IL5RA: variants seen among roughly 807,000 people sequenced by gnomAD.
IL5RA encodes interleukin 5 receptor subunit alpha.
A neutral mutation model predicts 50.0 loss-of-function variants in IL5RA; 49 were observed. The observed-to-expected ratio is 0.98, with a 90% CI of 0.78 to 1.24. The LOEUF (loss-of-function observed/expected upper bound fraction) is 1.24, where lower values mean the gene tolerates loss of function less well. IL5RA is among the 50% of genes most tolerant of loss of function. IL5RA has a pLI of 0.00. For missense variants in IL5RA, 600 were observed against 500.4 expected (o/e 1.20, Z -1.90); for synonymous variants, 202 against 174.0 (o/e 1.16, Z -1.26).
At position 3,087,055 on chromosome 3, in the gene IL5RA, G is replaced by A. The variant is rs2125965836; in HGVS notation, c.994+5169C>T. On this transcript the variant is annotated intron_variant, in intron 9 of 11. Coordinates refer to ENST00000446632, the MANE Select transcript of IL5RA (RefSeq NM_175726.4). ...ACAGAGTGGTATAATGAACATTGAA[G>A]ACGCAGAAGGGGAGAGGGTGGGAGG... 1.3e-5 allele frequency among the ~76,000 whole-genome samples: 2 copies of A among 152,240 alleles called. 1 individual carries two copies. The highest frequency in any genetic ancestry group is 6.8e-3 in the Middle Eastern group (2 of 294).
rs1378752587 is a variant in IL5RA at position 3,097,942 on chromosome 3, C to G, written c.637G>C (p.Val213Leu). Residue 213 changes from valine to leucine, a missense_variant, in exon 7 of 12, where the codon GTG becomes CTG. By Grantham distance (32) the Val-to-Leu change is conservative. Coordinates refer to ENST00000446632, the MANE Select transcript of IL5RA (RefSeq NM_175726.4). ...ILSKGRDWLA[V>L]LVNGSSKHSA... ...TGCTTGCTGGAGCCGTTAACAAGCA[C>G]CGCAAGCCAGTCACGCCCTTTGCTG... 6 of 1,614,060 alleles carry G rather than the reference C, an allele frequency of 3.7e-6. No homozygotes were observed. Among genetic ancestry groups the G allele is most frequent in the South Asian group, 1.1e-5 (1 of 91,084 alleles).
chr3:3,093,462 C>A (rs1376562735), intron 8 of IL5RA, among the ~76,000 whole-genome samples: 2 of 152,142 alleles, frequency 1.3e-5, no homozygotes, highest in Non-Finnish European at 2.9e-5. Context: ...ATGTCTTTGG[C>A]TATATTTAAT....
At chr3:3,104,332 T>C (rs1703802260) in intron 3 of IL5RA, among the ~76,000 whole-genome samples, 1 of 152,168 alleles carries the variant, frequency 6.6e-6, no homozygotes, top group Non-Finnish European at 1.5e-5. Flanking sequence ...AGCCACTGCA[T>C]ACGGCCTAAA....
chr3:3,096,685 T>C (rs1033743826), intron 7 of IL5RA, among the ~76,000 whole-genome samples: 1 of 152,240 alleles, frequency 6.6e-6, no homozygotes, highest in African/African-American at 2.4e-5. Context: ...GCATCTTTTA[T>C]TGCCTATTTT....
chr3:3,077,251 G>A (rs893864113), intron 9 of IL5RA, among the ~76,000 whole-genome samples: 10 of 152,168 alleles, frequency 6.6e-5, no homozygotes, highest in African/African-American at 2.4e-4. Flanking sequence ...CTTATTCTCT[G>A]TTTAAATTTG....
rs17886261 is a variant in IL5RA at position 3,097,372 on chromosome 3, A to G, written c.709+498T>C. ...GTGAACAGCTAAGAGAGGCTATTCT[A>G]TAGGGAAGGGACTCAAATCACCTGG... On this transcript the variant is annotated intron_variant, in intron 7 of 11. Transcript: ENST00000446632. 8.1e-3 allele frequency among the ~76,000 whole-genome samples: 1,229 copies of G among 152,110 alleles called. 19 individuals are homozygous for G. The highest frequency in any genetic ancestry group is 0.029 in the African/African-American group (1,181 of 41,370).
Position 3,070,234 on chromosome 3 carries a change from A to C in IL5RA, c.1254T>G (p.Ser418=), listed in dbSNP as rs1702252217. 6.2e-7 allele frequency: 1 copy of C among 1,610,208 alleles called. No individual in the cohort carries two copies. The highest frequency in any genetic ancestry group is 1.3e-5 in the African/African-American group (1 of 74,908). ...GATGCCAAAGTGACAGTCAAAACAC[A>C]GAATCCTCCAGGGTCTCAACTCCAG... The part of the protein sequence containing the change: ...EKPGVETLED[S]VF The change falls in exon 12 of 12, where the codon TCT becomes TCG. Residue 418 remains serine, a synonymous_variant. Transcript: ENST00000446632.
intron 11 of IL5RA, among the ~76,000 whole-genome samples, chr3:3,072,000 A>T (rs1199882629): frequency 6.6e-6 from 1 of 152,246 alleles, no homozygotes; most frequent in Non-Finnish European, 1.5e-5. Context: ...CCAAGCTCAG[A>T]GGTGCACATT....
At chr3:3,073,340 T>G (rs190970617) in intron 11 of IL5RA, among the ~76,000 whole-genome samples, 1 of 143,180 alleles carries the variant, frequency 7.0e-6, no homozygotes, top group African/African-American at 2.4e-5. Context: ...AAGAAAACTG[T>G]TTGATCTAAA....
intron 7 of IL5RA, among the ~76,000 whole-genome samples, chr3:3,096,104 C>A (rs1004924493): frequency 6.6e-6 from 1 of 151,946 alleles, no homozygotes; most frequent in African/African-American, 2.4e-5. Context: ...TGGTGAAACC[C>A]CCTCTCTACT....
At chr3:3,084,718 T>C (rs1702790442) in intron 9 of IL5RA, among the ~76,000 whole-genome samples, 1 of 152,240 alleles carries the variant, frequency 6.6e-6, no homozygotes, top group African/African-American at 2.4e-5. Flanking sequence ...GAGCCAATCC[T>C]CTAGCTGTGT....
intron 7 of IL5RA, among the ~76,000 whole-genome samples, chr3:3,096,730 A>G (rs1187718352): frequency 6.6e-6 from 1 of 152,216 alleles, no homozygotes; most frequent in East Asian, 1.9e-4. Flanking sequence ...CCTAAGAAAT[A>G]TATTACTGGA....
Position 3,092,958 on chromosome 3 carries a change from G to A in IL5RA, c.856-596C>T, listed in dbSNP as rs1042412410. On this transcript the variant is annotated intron_variant, in intron 8 of 11. Coordinates refer to ENST00000446632, the MANE Select transcript of IL5RA (RefSeq NM_175726.4). The surrounding 1 kb of genome is among the most constrained non-coding windows in gnomAD (Gnocchi z 4.2). ...CTTATTATCTTTTGCTTGGACCTTT[G>A]CAGTAGCCGCTAACTGATATCATAT... Among the ~76,000 whole-genome samples the A allele has an allele frequency of 6.6e-6, 1 of 151,824 alleles. No individual in the cohort carries two copies. Among genetic ancestry groups the A allele is most frequent in the Non-Finnish European group, 1.5e-5 (1 of 67,988 alleles).
chr3:3,087,122 C>G lies in IL5RA; in HGVS notation c.994+5102G>C, dbSNP rs79047701. Among the ~76,000 whole-genome samples, 255 of 152,254 alleles carry G rather than the reference C, an allele frequency of 1.7e-3. 2 individuals are homozygous for G. Among genetic ancestry groups the G allele is most frequent in the African/African-American group, 5.9e-3 (246 of 41,546 alleles). On this transcript the variant is annotated intron_variant, in intron 9 of 11. Transcript: ENST00000446632. ...AGTCACCTATTCAGTATGATGTAAA[C>G]TATTTAGCTGATGGGTACAATAAAA... is the stretch of plus-strand genomic sequence containing the variant.
chr3:3,074,791 A>C lies in IL5RA; in HGVS notation c.1167T>G (p.Thr389=). Residue 389 remains threonine, a synonymous_variant, in exon 11 of 12, where the codon ACT becomes ACG. Coordinates refer to ENST00000446632, the MANE Select transcript of IL5RA (RefSeq NM_175726.4). Reference sequence around the variant, plus strand: ...GAACTTTCAACATTACCTCATAGTTAGTGGTTACAAAGAGATCTTTGATAT... The same window carrying C: ...GAACTTTCAACATTACCTCATAGTTCGTGGTTACAAAGAGATCTTTGATAT... The part of the protein sequence containing the change: ...KSNIKDLFVT[T]NYEKAGSSET... 6.3e-7 allele frequency: 1 copy of C among 1,591,682 alleles called. No homozygotes were observed. The highest frequency in any genetic ancestry group is 8.6e-7 in the Non-Finnish European group (1 of 1,159,590).
At chr3:3,104,663 G>T (rs1406093732) in intron 3 of IL5RA, among the ~76,000 whole-genome samples, 1 of 152,142 alleles carries the variant, frequency 6.6e-6, no homozygotes, top group Non-Finnish European at 1.5e-5. Flanking sequence ...ATTCCATGGT[G>T]CCCGGACACC....
chr3:3,103,359 T>C lies in IL5RA; in HGVS notation c.83-539A>G, dbSNP rs183432080. 1.1e-4 allele frequency among the ~76,000 whole-genome samples: 17 copies of C among 152,318 alleles called. 1 individual carries two copies. The East Asian group carries it at 3.1e-3, about 28-fold the overall frequency. The stretch of plus-strand genomic sequence containing the variant: ...ATCCATTAACAGGCAATAATAACAA[T>C]GTATTGGTTTGTGACCAGAATTTTT... On this transcript the variant is annotated intron_variant, in intron 3 of 11. Transcript: ENST00000446632.
intron 9 of IL5RA, among the ~76,000 whole-genome samples, chr3:3,080,647 C>A (rs564564200): frequency 6.6e-6 from 1 of 152,168 alleles, no homozygotes; most frequent in East Asian, 1.9e-4. Context: ...TGACATTCCC[C>A]AAACTCTAGG....
rs369215547 is a variant in IL5RA, at chr3:3,071,850, A to G, written c.1177-1539T>C. Among the ~76,000 whole-genome samples the G allele has an allele frequency of 6.0e-4, 92 of 152,316 alleles. 2 individuals are homozygous for G. The Middle Eastern group carries it at 0.031, about 51-fold the overall frequency. ...AATGATCTGCCCATTTTGGCCTCTC[A>G]AAGTGCTGGGATTACAGGTATGAGC... On this transcript the variant is annotated intron_variant, in intron 11 of 11. Coordinates refer to ENST00000446632, the MANE Select transcript of IL5RA (RefSeq NM_175726.4).
Sources: gnomAD v4.1 joint callset for allele counts (sites outside exome capture counted in the v4.1 genomes callset) on GRCh38, gnomAD v4.1.1 for gene constraint, Gnocchi (gnomAD v3.1) non-coding constraint, MANE v1.5 for transcripts, NCBI Gene and HGNC (gene_info 2026-07-23, HGNC 2026-07-21) for gene names.